The following TENM4 variants were observed in gnomAD, a reference collection of about 807,000 sequenced individuals.
The protein encoded by TENM4 is teneurin-4.
TENM4 carries 82 observed loss-of-function variants against 243.3 expected under a neutral mutation model. The ratio of observed to expected loss-of-function variants is 0.34; its 90% CI spans 0.28 to 0.40. TENM4 has a LOEUF of 0.40. TENM4 is among the 10% of genes least tolerant of loss of function. The probability of loss-of-function intolerance (pLI) is 1.00; values close to 1 mark genes in which losing one functional copy is unlikely to be tolerated. For missense variants in TENM4, 3,138 were observed against 3,673.3 expected, an observed-to-expected ratio of 0.85 and a Z score of 3.77; for synonymous variants, 1,412 against 1,456.3, an observed-to-expected ratio of 0.97 and a Z score of 0.69.
chr11:79,184,853 A>G (rs992697809), intron 3 of TENM4, among the ~76,000 whole-genome samples: 1 of 152,242 alleles, frequency 6.6e-6, no homozygotes, highest in African/African-American at 2.4e-5. Flanking sequence ...AAAAATGGTC[A>G]AAATGTTAAA....
chr11:79,322,791 T>C (rs1856912953), intron 1 of TENM4, among the ~76,000 whole-genome samples: 1 of 152,224 alleles, frequency 6.6e-6, no homozygotes, highest in Non-Finnish European at 1.5e-5. Flanking sequence ...ATTCCATGTT[T>C]ACTGCATAAA....
At chr11:79,138,406 A>G (rs1862161113) in intron 4 of TENM4, among the ~76,000 whole-genome samples, 1 of 116,836 alleles carries the variant, frequency 8.6e-6, no homozygotes, top group Non-Finnish European at 1.6e-5. Flanking sequence ...TTATATATAA[A>G]TAAAATATAT....
chr11:79,001,522 C>T (rs1388710256), intron 6 of TENM4, among the ~76,000 whole-genome samples: 2 of 152,096 alleles, frequency 1.3e-5, no homozygotes, highest in Non-Finnish European at 2.9e-5. Flanking sequence ...AGGAGAGATG[C>T]TTATAGAGGT....
At chr11:79,353,888 T>A (rs1857455452) in intron 1 of TENM4, among the ~76,000 whole-genome samples, 1 of 152,222 alleles carries the variant, frequency 6.6e-6, no homozygotes, top group Admixed American at 6.5e-5. Context: ...TTGCATAGCC[T>A]CTATGGCTGC....
At chr11:79,426,379 G>C (rs1302922105) in intron 1 of TENM4, among the ~76,000 whole-genome samples, 2 of 152,190 alleles carry the variant, frequency 1.3e-5, no homozygotes, top group Non-Finnish European at 2.9e-5. Context: ...CTCACTGGTA[G>C]AGTGACCTCA....
intron 6 of TENM4, among the ~76,000 whole-genome samples, chr11:79,027,836 AGGCAT>A: frequency 6.6e-6 from 1 of 152,310 alleles, no homozygotes; most frequent in East Asian, 1.9e-4. Flanking sequence ...GTTGGGCTAC[AGGCAT>A]GTGTTAGATT....
intron 1 of TENM4, among the ~76,000 whole-genome samples, chr11:79,426,744 A>C (rs868284105): frequency 3.3e-5 from 5 of 152,200 alleles, no homozygotes; most frequent in Non-Finnish European, 7.3e-5. Context: ...TGAGCTAGGA[A>C]GGATTGCCAG....
chr11:79,099,151 C>T lies in TENM4; in HGVS notation c.-65-29142G>A, dbSNP rs969033141. Among the ~76,000 whole-genome samples, 87 of 152,154 alleles carry T rather than the reference C, an allele frequency of 5.7e-4. 3 individuals carry two copies. Among genetic ancestry groups the T allele is most frequent in the Non-Finnish European group, 2.1e-4 (14 of 68,030 alleles). On this transcript the variant is annotated intron_variant, in intron 4 of 33. Transcript: ENST00000278550. ...TTCCCTCCTCCTGTTGGAGGAGCTC[C>T]GTTCCTTAGTCATTCCTGGGGGTCT...
intron 6 of TENM4, among the ~76,000 whole-genome samples, chr11:78,961,833 G>C (rs1046803678): frequency 6.7e-6 from 1 of 148,514 alleles, no homozygotes; most frequent in Non-Finnish European, 1.5e-5. Flanking sequence ...ACCTTTACCT[G>C]TCTGGGCCTT....
intron 4 of TENM4, among the ~76,000 whole-genome samples, chr11:79,101,795 G>A (rs1194715739): frequency 6.6e-6 from 1 of 152,158 alleles, no homozygotes; most frequent in African/African-American, 2.4e-5. Context: ...CAAATGTGAG[G>A]CATTTATGTT....
At chr11:79,358,019 G>A (rs1455827058) in intron 1 of TENM4, among the ~76,000 whole-genome samples, 1 of 152,092 alleles carries the variant, frequency 6.6e-6, no homozygotes, top group Non-Finnish European at 1.5e-5. Context: ...AAATATTAAC[G>A]TCGTAATTAC....
chr11:78,852,368 A>G (rs1858560250), intron 12 of TENM4, among the ~76,000 whole-genome samples: 1 of 152,232 alleles, frequency 6.6e-6, no homozygotes, highest in South Asian at 2.1e-4. Flanking sequence ...AAATGGACTG[A>G]AAATGACTCC....
chr11:78,720,336 G>T (rs879178136), intron 25 of TENM4, 34 bp downstream of exon 25: 1 of 1,613,000 alleles, frequency 6.2e-7, no homozygotes, highest in Non-Finnish European at 8.5e-7. Flanking sequence ...ACAAGGCAGG[G>T]GTGAGGCAGG....
chr11:79,354,057 A>G (rs1857458733), intron 1 of TENM4, among the ~76,000 whole-genome samples: 1 of 152,206 alleles, frequency 6.6e-6, no homozygotes, highest in Admixed American at 6.5e-5. Context: ...ATGCAGACCC[A>G]TTGTTTATTT....
At chr11:78,830,223 T>A (rs1031000555) in intron 12 of TENM4, among the ~76,000 whole-genome samples, 2 of 152,160 alleles carry the variant, frequency 1.3e-5, no homozygotes, top group African/African-American at 2.4e-5. Flanking sequence ...TAAATTCCCA[T>A]CATACTGGCC....
intron 6 of TENM4, among the ~76,000 whole-genome samples, chr11:78,985,824 C>A (rs1857905146): frequency 6.6e-6 from 1 of 152,124 alleles, no homozygotes; most frequent in African/African-American, 2.4e-5. Context: ...GAAGGTCAGC[C>A]AAGTTACCGA....
chr11:79,093,969 A>G (rs572885473), intron 4 of TENM4: 1 of 152,358 alleles, frequency 6.6e-6, no homozygotes, highest in Non-Finnish European at 1.5e-5. Flanking sequence ...AATTAAAATC[A>G]AAGTTACAAA....
chr11:78,708,221 G>A, intron 27 of TENM4, 140 bp downstream of exon 27: 1 of 1,115,994 alleles, frequency 9.0e-7, no homozygotes, highest in East Asian at 2.5e-5. Context: ...TGTGTCCTTG[G>A]TGCTCATCAC....
intron 26 of TENM4, among the ~76,000 whole-genome samples, chr11:78,710,388 T>C (rs1859369499): frequency 6.6e-6 from 1 of 152,232 alleles, no homozygotes; most frequent in Admixed American, 6.5e-5. Context: ...CCCAGGGGCC[T>C]CTGAGTGCTG....
Sources: gnomAD v4.1 joint callset for allele counts (sites outside exome capture counted in the v4.1 genomes callset) on GRCh38, gnomAD v4.1.1 for gene constraint, MANE v1.5 for transcripts, NCBI Gene and HGNC (gene_info 2026-07-23, HGNC 2026-07-21) for gene names.